Variants in CDH13 observed in about 807,000 individuals in gnomAD.
CDH13 encodes cadherin-13.
CDH13 carries 24 observed loss-of-function variants against 63.8 expected under a neutral mutation model. The observed-to-expected ratio is 0.38, with a 90% CI of 0.27 to 0.53. The LOEUF is 0.53. CDH13 is among the 20% of genes least tolerant of loss of function. The pLI is 0.85. For missense variants in CDH13, 1,049 were observed against 903.1 expected (o/e 1.16, Z -2.07); for synonymous variants, 503 against 355.3 (o/e 1.42, Z -4.67).
intron 4 of CDH13, among the ~76,000 whole-genome samples, chr16:83,187,891 G>A (rs2038575211): frequency 1.3e-5 from 2 of 152,170 alleles, no homozygotes; most frequent in Non-Finnish European, 2.9e-5. Context: ...GGCCCTCAGT[G>A]AGAACTGATG....
intron 1 of CDH13, among the ~76,000 whole-genome samples, chr16:82,794,422 GT>G (rs1032344169): frequency 7.6e-6 from 1 of 131,398 alleles, no homozygotes; most frequent in African/African-American, 2.5e-5. Flanking sequence ...CTTTTCTTTT[GT>G]TTTTTTTCTC....
At chr16:83,763,947 A>C (rs372500755) in intron 11 of CDH13, among the ~76,000 whole-genome samples, 2 of 152,266 alleles carry the variant, frequency 1.3e-5, no homozygotes. Flanking sequence ...TCAGCTCCGC[A>C]TCTTAGCTGT....
At chr16:83,766,853 C>A (rs1914423073) in intron 11 of CDH13, among the ~76,000 whole-genome samples, 1 of 152,010 alleles carries the variant, frequency 6.6e-6, no homozygotes, top group Non-Finnish European at 1.5e-5. Context: ...ATGAGTGAGT[C>A]TCACAAGAAC....
At chr16:82,878,236 C>T in intron 2 of CDH13, among the ~76,000 whole-genome samples, 1 of 151,884 alleles carries the variant, frequency 6.6e-6, no homozygotes, top group African/African-American at 2.4e-5. Context: ...CTGAAATCTG[C>T]AGTTATCTCT....
chr16:83,302,088 G>A (rs918616394), intron 5 of CDH13, among the ~76,000 whole-genome samples: 1 of 152,128 alleles, frequency 6.6e-6, no homozygotes, highest in African/African-American at 2.4e-5. Flanking sequence ...ACCTCATGTT[G>A]TTGTGAGTAC....
intron 7 of CDH13, among the ~76,000 whole-genome samples, chr16:83,567,752 C>T (rs573002226): frequency 9.9e-5 from 15 of 152,192 alleles, no homozygotes; most frequent in African/African-American, 2.4e-4. Flanking sequence ...CCCGCCACCA[C>T]GCCCGGCTAA....
At chr16:83,649,075 G>C (rs1439947907) in intron 8 of CDH13, among the ~76,000 whole-genome samples, 1 of 152,186 alleles carries the variant, frequency 6.6e-6, no homozygotes. Context: ...TCTTAACTCT[G>C]TGACTATTCC....
chr16:83,224,144 C>T (rs1404709704), intron 5 of CDH13, among the ~76,000 whole-genome samples: 1 of 152,166 alleles, frequency 6.6e-6, no homozygotes, highest in African/African-American at 2.4e-5. Context: ...TCAATCCCAT[C>T]CAGGTTGTTG....
chr16:82,757,647 G>GTTTTT (rs776039467), intron 1 of CDH13, among the ~76,000 whole-genome samples: 4 of 88,492 alleles, frequency 4.5e-5, no homozygotes, highest in African/African-American at 6.2e-5. Flanking sequence ...CTTTTTTTTT[G>GTTTTT]TTTTTTTTTT....
chr16:83,617,720 T>C (rs1002166287), intron 8 of CDH13, among the ~76,000 whole-genome samples: 4 of 151,588 alleles, frequency 2.6e-5, no homozygotes, highest in African/African-American at 9.7e-5. Context: ...TCTATTCTAA[T>C]ATATAATATC....
chr16:83,146,757 CA>C (rs768172867), intron 4 of CDH13, among the ~76,000 whole-genome samples: 1 of 151,654 alleles, frequency 6.6e-6, no homozygotes, highest in Non-Finnish European at 1.5e-5. Context: ...ATAGATATTT[CA>C]AAAAAAATGG....
intron 7 of CDH13, among the ~76,000 whole-genome samples, chr16:83,536,003 C>A (rs2075179580): frequency 6.6e-6 from 1 of 152,126 alleles, no homozygotes; most frequent in Non-Finnish European, 1.5e-5. Flanking sequence ...CCCACAGAAA[C>A]AACCACCCTG....
At chr16:82,913,718 T>G (rs2041905780) in intron 2 of CDH13, among the ~76,000 whole-genome samples, 1 of 151,796 alleles carries the variant, frequency 6.6e-6, no homozygotes, top group African/African-American at 2.4e-5. Context: ...TGCGTGTGGG[T>G]ACCCCATGCG....
chr16:83,217,069 TG>T (rs2039558366), intron 4 of CDH13, among the ~76,000 whole-genome samples: 1 of 152,236 alleles, frequency 6.6e-6, no homozygotes, highest in East Asian at 1.9e-4. Context: ...CAACTTTGAC[TG>T]AACTGGCATT....
At chr16:82,848,189 C>T (rs978570876) in intron 1 of CDH13, among the ~76,000 whole-genome samples, 1 of 152,182 alleles carries the variant, frequency 6.6e-6, no homozygotes, top group Non-Finnish European at 1.5e-5. Context: ...TGGTGAGTGG[C>T]ATCAGTGAGA....
At chr16:83,632,416 C>G (rs1202159688) in intron 8 of CDH13, among the ~76,000 whole-genome samples, 1 of 152,050 alleles carries the variant, frequency 6.6e-6, no homozygotes, top group Non-Finnish European at 1.5e-5. Context: ...TGAAGGCCAG[C>G]AGCTCCGTGC....
intron 11 of CDH13, among the ~76,000 whole-genome samples, chr16:83,776,868 C>G (rs1158715126): frequency 6.6e-6 from 1 of 152,208 alleles, no homozygotes; most frequent in Non-Finnish European, 1.5e-5. Context: ...AACTTTCACC[C>G]TGGGTAACCA....
intron 2 of CDH13, among the ~76,000 whole-genome samples, chr16:82,959,079 C>T (rs537652544): frequency 1.3e-5 from 2 of 152,338 alleles, no homozygotes; most frequent in East Asian, 1.9e-4. Flanking sequence ...CAGCTGTAAC[C>T]AATACCTGAC....
intron 2 of CDH13, among the ~76,000 whole-genome samples, chr16:82,915,529 AG>A (rs2041959315): frequency 1.3e-5 from 2 of 152,076 alleles, no homozygotes; most frequent in African/African-American, 2.4e-5. Flanking sequence ...ACAGGGGCCC[AG>A]GGGGGAAATT....
Sources: allele counts gnomAD v4.1 joint callset (sites outside exome capture counted in the v4.1 genomes callset), GRCh38; gene constraint gnomAD v4.1.1; transcripts MANE v1.5; gene names NCBI Gene and HGNC (gene_info 2026-07-23, HGNC 2026-07-21).